The following KREMEN1 variants were observed in gnomAD, a reference collection of about 807,000 sequenced individuals.
KREMEN1 encodes the protein kringle containing transmembrane protein 1, also known as kremen protein 1.
In KREMEN1, 30 loss-of-function variants were observed where a neutral mutation model predicts 46.5. That is an observed-to-expected ratio of 0.65 (90% CI 0.48 to 0.88). The LOEUF is 0.88. Ranked by LOEUF, KREMEN1 falls within the 40% of genes least tolerant of loss-of-function variation. KREMEN1 has a pLI of 0.00. For synonymous variants in KREMEN1, 214 were observed against 230.6 expected, an observed-to-expected ratio of 0.93 and a Z score of 0.65; for missense variants, 533 against 596.9, an observed-to-expected ratio of 0.89 and a Z score of 1.11.
At chr22:29,117,167 A>G (rs944475539) in intron 3 of KREMEN1, among the ~76,000 whole-genome samples, 2 of 152,128 alleles carry the variant, frequency 1.3e-5, no homozygotes, top group Non-Finnish European at 1.5e-5. Flanking sequence ...GTGTGTGTAC[A>G]TGCGCACATA....
rs117305895 is a variant in KREMEN1 at position 29,146,504 on chromosome 22, G to T, written c.*4392G>T. The T allele has an allele frequency of 5.5e-5, 54 of 985,534 alleles. No individual in the cohort carries two copies. The highest frequency in any genetic ancestry group is 1.0e-3 in the Middle Eastern group (2 of 1,914). 61.0% of individuals were successfully genotyped at this position (985,534 alleles called of 1,614,324 possible). On this transcript the variant is annotated 3_prime_UTR_variant, in exon 9 of 9. Coordinates refer to ENST00000400335, the MANE Select transcript of KREMEN1 (RefSeq NM_001039570.3). The stretch of plus-strand genomic sequence containing the variant: ...AAAGACTGGAGGCCCTTCCCCGCCC[G>T]CACGGGAGCTGCCATCGTGGGTCTC...
rs1030200031 is a variant in KREMEN1 at position 29,125,249 on chromosome 22, C to T, written c.478-14C>T. On this transcript the variant is annotated splice_polypyrimidine_tract_variant and intron_variant, in intron 4 of 8. Coordinates refer to ENST00000400335, the MANE Select transcript of KREMEN1 (RefSeq NM_001039570.3). ...TGATGATGCTTACCGTGTGCTGCTT[C>T]TCTGTTGTGGCAGTTTGCTGGGATG... is the stretch of plus-strand genomic sequence containing the variant. The T allele has an allele frequency of 1.9e-6, 3 of 1,613,682 alleles. No homozygotes were observed. The highest frequency in any genetic ancestry group is 1.3e-5 in the African/African-American group (1 of 74,908).
At chr22:29,084,100 G>A (rs1312992405) in intron 1 of KREMEN1, among the ~76,000 whole-genome samples, 2 of 152,008 alleles carry the variant, frequency 1.3e-5, no homozygotes, top group Non-Finnish European at 2.9e-5. Context: ...TGTTGCTGTG[G>A]CATTTGTAAA....
chr22:29,138,586 A>G (rs954623466), intron 6 of KREMEN1, 38 bp from the exon 7 acceptor site: 1 of 1,590,232 alleles, frequency 6.3e-7, no homozygotes, highest in South Asian at 1.1e-5. Flanking sequence ...TGTTGTCTCC[A>G]TAGCCCTGTC....
chr22:29,133,269 GA>G (rs2038595493), intron 5 of KREMEN1, among the ~76,000 whole-genome samples: 1 of 146,394 alleles, frequency 6.8e-6, no homozygotes, highest in South Asian at 2.2e-4. Flanking sequence ...AAAGAAAAAA[GA>G]AAAAAGATTT....
At chr22:29,147,036 C>T (rs549925044), downstream of KREMEN1, among the ~76,000 whole-genome samples, 3 of 152,202 alleles carry the variant, frequency 2.0e-5, no homozygotes, top group South Asian at 6.2e-4. Flanking sequence ...TTAGGTACTC[C>T]AAAACCATTG....
At position 29,145,585 on chromosome 22, in the gene KREMEN1, C is replaced by T; in HGVS notation, c.*3473C>T. ...GCCCCTAGTTTCTAGCAGCGTTTCTCAGTGTCCTTGGCCCTTCTGAGAAGG... is the reference window on the plus strand; with the variant it reads ...GCCCCTAGTTTCTAGCAGCGTTTCTTAGTGTCCTTGGCCCTTCTGAGAAGG... On this transcript the variant is annotated 3_prime_UTR_variant, in exon 9 of 9. Coordinates refer to ENST00000400335, the MANE Select transcript of KREMEN1 (RefSeq NM_001039570.3). 3 of 985,574 alleles carry T rather than the reference C, an allele frequency of 3.0e-6. No homozygotes were observed. The highest frequency in any genetic ancestry group is 4.7e-5 in the South Asian group (1 of 21,296). 61.1% of individuals were successfully genotyped at this position (985,574 alleles called of 1,614,324 possible).
Position 29,094,525 on chromosome 22 carries a change from C to G in KREMEN1, c.260+105C>G, listed in dbSNP as rs1423993637. The G allele has an allele frequency of 9.2e-6, 8 of 868,228 alleles. No individual in the cohort carries two copies. In the African/African-American group the frequency reaches 1.4e-4, roughly 15 times the overall value. The allele number at this position is 868,228 out of a possible 1,614,324, so 53.8% of individuals were successfully genotyped here. ...CAACTAGGGGAAGTCTTTTGACCAA[C>G]TCAAGAGACTTATCTTGTCAGTTTT... On this transcript the variant is annotated intron_variant, in intron 2 of 8. Transcript: ENST00000400335.
rs1458308421 is a variant in KREMEN1 at position 29,131,558 on chromosome 22, A to ATGTGTGTG, written c.632-5783_632-5782insGTGTGTGT. Among the ~76,000 whole-genome samples, 21 of 59,656 alleles carry ATGTGTGTG rather than the reference A, an allele frequency of 3.5e-4. No individual in the cohort carries two copies. The East Asian group carries it at 5.0e-3, about 14-fold the overall frequency. 39.1% of individuals were successfully genotyped at this position (59,656 alleles called of 152,430 possible). On this transcript the variant is annotated intron_variant, in intron 5 of 8. Transcript: ENST00000400335. Reference sequence around the variant, plus strand: ...TATATATATATATATATATATATATATATGTGTGTGTGTGTGTGTGTGTGT... The same window carrying ATGTGTGTG: ...TATATATATATATATATATATATATATGTGTGTGTATGTGTGTGTGTGTGTGTGTGTGT...
chr22:29,098,926 A>T lies in KREMEN1; in HGVS notation c.325A>T (p.Lys109Ter). 1 of 1,613,726 alleles carries T rather than the reference A, an allele frequency of 6.2e-7. No homozygotes were observed. Among genetic ancestry groups the T allele is most frequent in the Non-Finnish European group, 8.5e-7 (1 of 1,179,598 alleles). Reference sequence around the variant, plus strand: ...AGAGCACGAGGATGGTGTCTACTGGAAGTACTGTGAGATACCTGCTTGCCA... The same window carrying T: ...AGAGCACGAGGATGGTGTCTACTGGTAGTACTGTGAGATACCTGCTTGCCA... The part of the protein sequence containing the change: ...VAEHEDGVYW[K>*]YCEIPACQMP... The change falls in exon 3 of 9, where the codon AAG (lysine) becomes TAG (stop). Residue 109 changes from lysine to a stop codon, truncating the protein, a stop_gained. Transcript: ENST00000400335. LOFTEE classifies it high-confidence loss of function.
At chr22:29,080,699 T>C (rs2037639528) in intron 1 of KREMEN1, among the ~76,000 whole-genome samples, 1 of 152,198 alleles carries the variant, frequency 6.6e-6, no homozygotes, top group South Asian at 2.1e-4. Context: ...CCATTTCTTC[T>C]AACTCAGTGA....
intron 3 of KREMEN1, among the ~76,000 whole-genome samples, chr22:29,113,526 A>G (rs754466084): frequency 3.9e-5 from 6 of 152,200 alleles, no homozygotes; most frequent in Non-Finnish European, 7.3e-5. Flanking sequence ...AGCACATTCT[A>G]TTCTGCTAGG....
chr22:29,133,426 G>T (rs1326192641), intron 5 of KREMEN1, among the ~76,000 whole-genome samples: 1 of 151,590 alleles, frequency 6.6e-6, no homozygotes, highest in Non-Finnish European at 1.5e-5. Flanking sequence ...TTAGCCTCCT[G>T]AGTAGCTGGG....
chr22:29,156,288 T>G (rs116967489), intron 9 of KREMEN1, among the ~76,000 whole-genome samples: 3,943 of 152,342 alleles, frequency 0.026, 76 homozygotes, highest in Non-Finnish European at 0.04. Context: ...AGCCAAAATG[T>G]CCTTCTCTTT....
At chr22:29,160,134 T>A (rs1179465888) in intron 9 of KREMEN1, among the ~76,000 whole-genome samples, 1 of 152,068 alleles carries the variant, frequency 6.6e-6, no homozygotes, top group Admixed American at 6.6e-5. Flanking sequence ...TATTCCAAGA[T>A]CAACCACATG....
chr22:29,100,628 A>G (rs796185245), intron 3 of KREMEN1, among the ~76,000 whole-genome samples: 2 of 152,226 alleles, frequency 1.3e-5, no homozygotes, highest in Non-Finnish European at 1.5e-5. Flanking sequence ...TTACTGGTTT[A>G]TGTATTTACT....
intron 3 of KREMEN1, among the ~76,000 whole-genome samples, chr22:29,103,111 CT>C (rs2038000456): frequency 1.3e-5 from 2 of 152,306 alleles, no homozygotes; most frequent in East Asian, 3.9e-4. Flanking sequence ...TTTTAGGCCA[CT>C]TTTGCCCTAT....
chr22:29,094,590 C>T (rs1296871062), intron 2 of KREMEN1, among the ~76,000 whole-genome samples, 170 bp downstream of exon 2: 8 of 150,028 alleles, frequency 5.3e-5, no homozygotes, highest in Admixed American at 4.7e-4. Context: ...CACACACACA[C>T]ACACACACAC....
intron 3 of KREMEN1, among the ~76,000 whole-genome samples, chr22:29,101,023 G>A (rs1388794036): frequency 1.3e-5 from 2 of 152,126 alleles, no homozygotes; most frequent in Non-Finnish European, 1.5e-5. Flanking sequence ...AGGCTGAAGC[G>A]GGCAGATCAC....
Sources: allele counts gnomAD v4.1 joint callset (sites outside exome capture counted in the v4.1 genomes callset), GRCh38; gene constraint gnomAD v4.1.1; transcripts MANE v1.5; gene names NCBI Gene and HGNC (gene_info 2026-07-23, HGNC 2026-07-21).